Variants in MOSMO observed in about 807,000 individuals in gnomAD.
MOSMO encodes the protein modulator of smoothened.
Under a neutral mutation model 18.4 loss-of-function variants are expected in MOSMO, and 5 were observed. The ratio of observed to expected loss-of-function variants is 0.27; its 90% confidence interval spans 0.14 to 0.57. MOSMO has a LOEUF of 0.57. Among genes scored for constraint, MOSMO ranks in the 20% least tolerant of loss-of-function variants. The probability of loss-of-function intolerance (pLI) is 0.92; values close to 1 mark genes in which losing one functional copy is unlikely to be tolerated. For synonymous variants in MOSMO, 82 were observed against 82.3 expected, an observed-to-expected ratio of 1.00 and a Z score of 0.02; for missense variants, 138 against 211.8, an observed-to-expected ratio of 0.65 and a Z score of 2.16.
intron 1 of MOSMO, among the ~76,000 whole-genome samples, chr16:22,023,372 C>T (rs923358227): frequency 2.0e-5 from 3 of 152,118 alleles, no homozygotes; most frequent in African/African-American, 7.2e-5. Flanking sequence ...AGAATTGCAC[C>T]ATTAGTTAAG....
At chr16:22,030,136 G>T (rs1899963900) in intron 1 of MOSMO, among the ~76,000 whole-genome samples, 1 of 152,132 alleles carries the variant, frequency 6.6e-6, no homozygotes. Context: ...GGACATCATT[G>T]TGTTATTTTA....
chr16:22,028,200 C>T lies in MOSMO; in HGVS notation c.106+19793C>T, dbSNP rs151314294. On this transcript the variant is annotated intron_variant, in intron 1 of 2. Coordinates refer to ENST00000542527, the MANE Select transcript of MOSMO (RefSeq NM_001164579.2). ...GAATATAATCATTATACCAAACACA[C>T]GTGTGCGTATGCATATATATCCATC... Among the ~76,000 whole-genome samples the T allele has an allele frequency of 3.2e-3, 485 of 152,154 alleles. 6 individuals carry two copies. In the Middle Eastern group the frequency reaches 0.071, roughly 22 times the overall value.
chr16:22,085,751 G>T (rs1901160169), downstream of MOSMO: 1 of 152,034 alleles, frequency 6.6e-6, no homozygotes. Flanking sequence ...AAAAATAAAG[G>T]TAGTTATTTA....
chr16:22,021,603 G>C (rs1899764016), intron 1 of MOSMO, among the ~76,000 whole-genome samples: 1 of 152,098 alleles, frequency 6.6e-6, no homozygotes, highest in Non-Finnish European at 1.5e-5. Flanking sequence ...TTCGAGACCA[G>C]CCTGGGCAAC....
At chr16:22,062,325 TATTTA>T (rs1401395955) in intron 1 of MOSMO, among the ~76,000 whole-genome samples, 6 of 152,234 alleles carry the variant, frequency 3.9e-5, no homozygotes, top group African/African-American at 9.6e-5. Context: ...TCTTTTCTTA[TATTTA>T]ATTTATTTAT....
At chr16:22,070,101 T>C (rs1005057008) in intron 1 of MOSMO, among the ~76,000 whole-genome samples, 6 of 152,152 alleles carry the variant, frequency 3.9e-5, no homozygotes, top group Admixed American at 2.0e-4. Context: ...TCTACTTTTT[T>C]CTGAGAAATA....
chr16:22,024,778 T>G (rs1899841921), intron 1 of MOSMO, among the ~76,000 whole-genome samples: 1 of 152,094 alleles, frequency 6.6e-6, no homozygotes, highest in African/African-American at 2.4e-5. Flanking sequence ...CAGGGACATA[T>G]GTGTAATCAG....
In MOSMO at chr16:22,075,670, A is replaced by G. The variant is rs1169534803; in HGVS notation, c.290A>G (p.Lys97Arg). The G allele has an allele frequency of 6.5e-7, 1 of 1,537,340 alleles. No homozygotes were observed. Among genetic ancestry groups the G allele is most frequent in the South Asian group, 1.2e-5 (1 of 84,060 alleles). ...TCCCACTGGCGAAGAGAAGCTACAA[A>G]ATATGCTCGATGGATAGCATTCACT... Reference protein sequence around the residue: ...VASHWRREATKYARWIAFTGM... With the variant: ...VASHWRREATRYARWIAFTGM... Residue 97 changes from lysine (K) to arginine (R), a missense_variant, in exon 2 of 3, where the codon AAA (lysine) becomes AGA (arginine). Transcript: ENST00000542527.
downstream of MOSMO, among the ~76,000 whole-genome samples, chr16:22,091,152 A>G (rs958302325): frequency 1.3e-5 from 2 of 152,056 alleles, no homozygotes; most frequent in East Asian, 1.9e-4. Flanking sequence ...GCTCACAGCC[A>G]CTTATGACCT....
At chr16:22,042,141 G>A (rs1454818031) in intron 1 of MOSMO, among the ~76,000 whole-genome samples, 1 of 152,076 alleles carries the variant, frequency 6.6e-6, no homozygotes, top group Non-Finnish European at 1.5e-5. Context: ...GGGAAGAAAG[G>A]TTATCTACTT....
chr16:22,072,191 A>G (rs573797209), intron 1 of MOSMO, among the ~76,000 whole-genome samples: 3 of 152,278 alleles, frequency 2.0e-5, no homozygotes, highest in South Asian at 2.1e-4. Flanking sequence ...AAGCTCAAGG[A>G]GGTAATTCCT....
intron 1 of MOSMO, among the ~76,000 whole-genome samples, chr16:22,073,511 C>T (rs1429546300): frequency 6.6e-6 from 1 of 151,192 alleles, no homozygotes; most frequent in Admixed American, 6.6e-5. Context: ...TCCAAAATTA[C>T]AAGAAAATGC....
At position 22,083,007 on chromosome 16, in the gene MOSMO, G is replaced by A. The variant is rs1901109997; in HGVS notation, c.*2127G>A. The A allele has an allele frequency of 6.6e-6, 1 of 152,210 alleles. No homozygotes were observed. The highest frequency in any genetic ancestry group is 1.5e-5 in the Non-Finnish European group (1 of 68,058). The allele number at this position is 152,210 out of a possible 1,614,324, so 9.4% of individuals were successfully genotyped here. Reference sequence around the variant, plus strand: ...GCTATTCTGATTTGATTGGTCCTCAGTCAAATGGATCACTTTGAAGGAAAG... The same window carrying A: ...GCTATTCTGATTTGATTGGTCCTCAATCAAATGGATCACTTTGAAGGAAAG... On this transcript the variant is annotated 3_prime_UTR_variant, in exon 3 of 3. Transcript: ENST00000542527.
intron 1 of MOSMO, among the ~76,000 whole-genome samples, chr16:22,024,952 C>G (rs1899846030): frequency 6.6e-6 from 1 of 151,926 alleles, no homozygotes; most frequent in South Asian, 2.1e-4. Context: ...GAGTTTGAGA[C>G]CAACCTGGGC....
chr16:22,046,322 A>G (rs1187844439), intron 1 of MOSMO, among the ~76,000 whole-genome samples: 1 of 152,154 alleles, frequency 6.6e-6, no homozygotes, highest in South Asian at 2.1e-4. Flanking sequence ...CACTGCAAAC[A>G]TTGAATTAGT....
chr16:22,088,192 T>TA (rs201022857), downstream of MOSMO, among the ~76,000 whole-genome samples: 808 of 151,406 alleles, frequency 5.3e-3, 6 homozygotes, highest in African/African-American at 0.018. Context: ...GCCTGCTAAT[T>TA]AAAAAAAAAA....
intron 1 of MOSMO, among the ~76,000 whole-genome samples, chr16:22,049,573 A>G (rs149677203): frequency 1.3e-5 from 2 of 152,276 alleles, no homozygotes; most frequent in Non-Finnish European, 2.9e-5. Context: ...TTTGAAAGGT[A>G]TCACATATAA....
rs111363863 is a variant in MOSMO at position 22,037,078 on chromosome 16, G to A, written c.106+28671G>A. ...CAGGAAAGAACCCTGAAGGTCACCAGCATTTTAAGGATGCTGAGAAAAAGC... is the reference window on the plus strand; with the variant it reads ...CAGGAAAGAACCCTGAAGGTCACCAACATTTTAAGGATGCTGAGAAAAAGC... On this transcript the variant is annotated intron_variant, in intron 1 of 2. Transcript: ENST00000542527. 1.8e-3 allele frequency among the ~76,000 whole-genome samples: 277 copies of A among 152,252 alleles called. 1 individual carries two copies. The highest frequency in any genetic ancestry group is 6.2e-3 in the African/African-American group (259 of 41,564).
chr16:22,019,311 T>C (rs1899705447), intron 1 of MOSMO, among the ~76,000 whole-genome samples: 1 of 152,326 alleles, frequency 6.6e-6, no homozygotes, highest in Non-Finnish European at 1.5e-5. Flanking sequence ...GTGTAATCTG[T>C]ATTCTCATCT....
Sources: gnomAD v4.1 joint callset for allele counts (sites outside exome capture counted in the v4.1 genomes callset) on GRCh38, gnomAD v4.1.1 for gene constraint, MANE v1.5 for transcripts, NCBI Gene and HGNC (gene_info 2026-07-23, HGNC 2026-07-21) for gene names.